RAB3C: variants seen among roughly 807,000 people sequenced by gnomAD.
RAB3C encodes the protein ras-related protein Rab-3C.
RAB3C carries 17 observed loss-of-function variants against 26.4 expected under a neutral mutation model. That is an observed-to-expected ratio of 0.64 (90% confidence interval 0.44 to 0.97). The LOEUF (loss-of-function observed/expected upper bound fraction) is 0.97. Among genes scored for constraint, RAB3C ranks in the 50% least tolerant of loss-of-function variants. The pLI, the probability that RAB3C is intolerant of heterozygous loss-of-function variation, is 0.00. For synonymous variants in RAB3C, 91 were observed against 95.9 expected (o/e 0.95, Z 0.30); for missense variants, 242 against 281.9 (o/e 0.86, Z 1.01).
intron 2 of RAB3C, among the ~76,000 whole-genome samples, chr5:58,725,473 C>T (rs1230110136): frequency 6.6e-6 from 1 of 151,834 alleles, no homozygotes; most frequent in South Asian, 2.1e-4. Flanking sequence ...ATCTCTTTCT[C>T]AAGCTTTGGA....
chr5:58,631,938 G>T (rs10060568), intron 2 of RAB3C, among the ~76,000 whole-genome samples: 43,253 of 152,100 alleles, frequency 0.28, 7,186 homozygotes, highest in African/African-American at 0.46. Flanking sequence ...CTGTACATGT[G>T]GTTTTGAGAA....
At chr5:58,608,851 T>C (rs889296804) in intron 1 of RAB3C, among the ~76,000 whole-genome samples, 15 of 152,158 alleles carry the variant, frequency 9.9e-5, no homozygotes, top group South Asian at 4.1e-4. Context: ...TGGAATACTA[T>C]GCAGCCATAA....
chr5:58,740,829 T>A lies in RAB3C; in HGVS notation c.371+14709T>A, dbSNP rs182604470. On this transcript the variant is annotated intron_variant, in intron 3 of 4. Coordinates refer to ENST00000282878, the MANE Select transcript of RAB3C (RefSeq NM_138453.4). ...AGTGAGACTCCATCTCAGAAAAATATATATCTTAACAGAAAAAAAAAATCA... is the reference window on the plus strand; with the variant it reads ...AGTGAGACTCCATCTCAGAAAAATAAATATCTTAACAGAAAAAAAAAATCA... 2.6e-3 allele frequency among the ~76,000 whole-genome samples: 392 copies of A among 151,928 alleles called. 2 individuals carry two copies. The highest frequency in any genetic ancestry group is 4.2e-3 in the Non-Finnish European group (284 of 67,944).
At chr5:58,664,449 A>T (rs1174900626) in intron 2 of RAB3C, among the ~76,000 whole-genome samples, 1 of 152,152 alleles carries the variant, frequency 6.6e-6, no homozygotes, top group Non-Finnish European at 1.5e-5. Flanking sequence ...CCATTTCAGA[A>T]TAGCGGTTGC....
At position 58,859,150 on chromosome 5, in the gene RAB3C, T is replaced by A. The variant is rs571150792; in HGVS notation, c.*7799T>A. The stretch of plus-strand genomic sequence containing the variant: ...CCGACATTTAGTTGAAAACTACTGC[T>A]GCATAGCAAATATTGTGACTCTTCA... On this transcript the variant is annotated 3_prime_UTR_variant, in exon 5 of 5. Coordinates refer to ENST00000282878, the MANE Select transcript of RAB3C (RefSeq NM_138453.4). 1 of 152,358 alleles carries A rather than the reference T, an allele frequency of 6.6e-6. No homozygotes were observed. The highest frequency in any genetic ancestry group is 2.1e-4 in the South Asian group (1 of 4,830). The allele number at this position is 152,358 out of a possible 1,614,324, so 9.4% of individuals were successfully genotyped here. A position where few individuals can be genotyped will look rare whatever the true frequency, so the allele number is the denominator to read the frequency against.
At position 58,674,277 on chromosome 5, in the gene RAB3C, G is replaced by A. The variant is rs111472279; in HGVS notation, c.253-51725G>A. Among the ~76,000 whole-genome samples the A allele has an allele frequency of 9.9e-3, 1,511 of 152,218 alleles. 19 individuals carry two copies. Among genetic ancestry groups the A allele is most frequent in the African/African-American group, 0.034 (1,414 of 41,544 alleles). ...AGTATTACACAAAGATTTAGACTTC[G>A]AGGCATCATTTCTCTCACTCTTCAG... is the stretch of plus-strand genomic sequence containing the variant. On this transcript the variant is annotated intron_variant, in intron 2 of 4. Coordinates refer to ENST00000282878, the MANE Select transcript of RAB3C (RefSeq NM_138453.4).
chr5:58,785,403 A>T (rs1159309761), intron 3 of RAB3C, among the ~76,000 whole-genome samples: 1 of 152,212 alleles, frequency 6.6e-6, no homozygotes, highest in Non-Finnish European at 1.5e-5. Context: ...AACCTCTCTG[A>T]GCCTATTTTT....
At chr5:58,752,839 C>T (rs1579899426) in intron 3 of RAB3C, among the ~76,000 whole-genome samples, 1 of 151,832 alleles carries the variant, frequency 6.6e-6, no homozygotes, top group African/African-American at 2.4e-5. Flanking sequence ...GCTAGCTTGC[C>T]TAAAGGATTA....
rs1561133567 is a variant in RAB3C, at chr5:58,797,374, T to TATA, written c.372-27663_372-27661dup. 2.2e-3 allele frequency among the ~76,000 whole-genome samples: 233 copies of TATA among 103,688 alleles called. 4 individuals are homozygous for TATA. The highest frequency in any genetic ancestry group is 9.5e-3 in the African/African-American group (225 of 23,772). The allele number at this position is 103,688 out of a possible 152,430, so 68.0% of individuals were successfully genotyped here. On this transcript the variant is annotated intron_variant, in intron 3 of 4. Coordinates refer to ENST00000282878, the MANE Select transcript of RAB3C (RefSeq NM_138453.4). ...AAAAAATATGTATATATATAATATATATATATATATATATATATATATACA... is the reference window on the plus strand; with the variant it reads ...AAAAAATATGTATATATATAATATATATAATATATATATATATATATATATACA...
At chr5:58,730,588 AAATT>A (rs1026829460) in intron 3 of RAB3C, among the ~76,000 whole-genome samples, 1 of 152,240 alleles carries the variant, frequency 6.6e-6, no homozygotes, top group African/African-American at 2.4e-5. Context: ...GCAAAAAGAA[AAATT>A]AATTAAAGCT....
intron 3 of RAB3C, among the ~76,000 whole-genome samples, chr5:58,797,353 AATATGTATATATATAATAT>A (rs1202002347): frequency 0.12 from 3,059 of 25,878 alleles, 174 homozygotes; most frequent in Admixed American, 0.25. Context: ...AAAAAAAAAA[AATATGTATATATATAATAT>A]ATATATATAT....
intron 3 of RAB3C, among the ~76,000 whole-genome samples, chr5:58,783,630 G>C (rs1041354174): frequency 2.0e-5 from 3 of 152,132 alleles, no homozygotes; most frequent in African/African-American, 7.2e-5. Context: ...ACTTGCTCTG[G>C]ATCAAATACT....
intron 2 of RAB3C, among the ~76,000 whole-genome samples, chr5:58,697,790 A>T (rs6873535): frequency 0.12 from 17,675 of 151,892 alleles, 1,202 homozygotes; most frequent in East Asian, 0.19. Flanking sequence ...ATCTTCCTCT[A>T]TCCCTTTATT....
chr5:58,628,446 A>G (rs548983681), intron 2 of RAB3C, among the ~76,000 whole-genome samples: 2 of 152,254 alleles, frequency 1.3e-5, no homozygotes, highest in East Asian at 3.9e-4. Flanking sequence ...GCAGTTAGGA[A>G]AGACCTGTAG....
At chr5:58,688,044 G>A (rs748213715) in intron 2 of RAB3C, among the ~76,000 whole-genome samples, 4 of 152,068 alleles carry the variant, frequency 2.6e-5, no homozygotes, top group Non-Finnish European at 5.9e-5. Context: ...ATGCTTTAGA[G>A]AGGCCAAAAT....
intron 4 of RAB3C, among the ~76,000 whole-genome samples, chr5:58,849,841 C>A (rs1744077183): frequency 6.6e-6 from 1 of 152,122 alleles, no homozygotes; most frequent in African/African-American, 2.4e-5. Context: ...ATAAGTATTT[C>A]TAGGTTATTT....
In RAB3C at chr5:58,841,420, GAAATA is replaced by G. The variant is rs1448635181; in HGVS notation, c.497-9739_497-9735del. On this transcript the variant is annotated intron_variant, in intron 4 of 4. Coordinates refer to ENST00000282878, the MANE Select transcript of RAB3C (RefSeq NM_138453.4). Reference sequence around the variant, plus strand: ...TTCAGCTACCTGTATCAGCTTGTTGGAAATAAAATGGAGTCCCAGTGCTGGAGAGG... The same window carrying G: ...TTCAGCTACCTGTATCAGCTTGTTGGAAATGGAGTCCCAGTGCTGGAGAGG... Among the ~76,000 whole-genome samples, 10 of 152,140 alleles carry G rather than the reference GAAATA, an allele frequency of 6.6e-5. 1 individual carries two copies. Among genetic ancestry groups the G allele is most frequent in the Non-Finnish European group, 1.3e-4 (9 of 68,024 alleles).
chr5:58,717,330 AT>A (rs1561299014), intron 2 of RAB3C, among the ~76,000 whole-genome samples: 2 of 152,090 alleles, frequency 1.3e-5, no homozygotes, highest in Non-Finnish European at 2.9e-5. Flanking sequence ...CTGTTTCAAA[AT>A]CAGGGATGAA....
At chr5:58,617,066 T>C (rs1746838898) in intron 1 of RAB3C, among the ~76,000 whole-genome samples, 2 of 152,192 alleles carry the variant, frequency 1.3e-5, no homozygotes, top group African/African-American at 4.8e-5. Context: ...TTAAATAAGT[T>C]AGTATCCGGC....
Sources: allele counts gnomAD v4.1 joint callset (sites outside exome capture counted in the v4.1 genomes callset), GRCh38; gene constraint gnomAD v4.1.1; transcripts MANE v1.5; gene names NCBI Gene and HGNC (gene_info 2026-07-23, HGNC 2026-07-21).